The following CFAP221 variants were observed in gnomAD, a reference collection of about 807,000 sequenced individuals.
CFAP221 encodes the protein cilia- and flagella-associated protein 221.
Under a neutral mutation model 113.1 loss-of-function variants are expected in CFAP221, and 97 were observed. That is an observed-to-expected ratio of 0.86 (90% CI 0.73 to 1.02). CFAP221 has a LOEUF of 1.02. Among genes scored for constraint, CFAP221 ranks in the 50% least tolerant of loss-of-function variants. CFAP221 has a pLI of 0.00. For missense variants in CFAP221, 1,025 were observed against 1,013.4 expected, an observed-to-expected ratio of 1.01 and a Z score of -0.16; for synonymous variants, 331 against 354.4, an observed-to-expected ratio of 0.93 and a Z score of 0.74.
chr2:119,622,131 T>C (rs1387348926), intron 14 of CFAP221, among the ~76,000 whole-genome samples: 1 of 151,936 alleles, frequency 6.6e-6, no homozygotes, highest in Non-Finnish European at 1.5e-5. Context: ...CGGACTAATA[T>C]AGAAGAAAAG....
chr2:119,615,781 T>C, intron 14 of CFAP221, 72 bp downstream of exon 14: 2 of 1,122,278 alleles, frequency 1.8e-6, no homozygotes, highest in Non-Finnish European at 2.6e-6. Flanking sequence ...CAATGGTGGT[T>C]TGATAACACC....
intron 19 of CFAP221, among the ~76,000 whole-genome samples, chr2:119,631,281 A>G (rs1574188330): frequency 2.6e-5 from 4 of 152,230 alleles, no homozygotes; most frequent in Admixed American, 2.6e-4. Flanking sequence ...GAAAAGTTTC[A>G]AGTTAATGTC....
intron 16 of CFAP221, 90 bp from the exon 17 acceptor site, chr2:119,629,785 C>T: frequency 9.6e-7 from 1 of 1,039,472 alleles, no homozygotes; most frequent in Non-Finnish European, 1.4e-6. Context: ...TAGAACTGGT[C>T]ACTAATGTTT....
chr2:119,634,252 A>G (rs1302851022), intron 19 of CFAP221, among the ~76,000 whole-genome samples: 1 of 152,336 alleles, frequency 6.6e-6, no homozygotes, highest in Admixed American at 6.5e-5. Context: ...AGGCAGGAGG[A>G]TCAGTTGAGC....
At chr2:119,620,342 A>G (rs1685817918) in intron 14 of CFAP221, among the ~76,000 whole-genome samples, 1 of 152,214 alleles carries the variant, frequency 6.6e-6, no homozygotes, top group Non-Finnish European at 1.5e-5. Flanking sequence ...AGCCAGAGAG[A>G]AAGGTCATGT....
At chr2:119,549,813 A>C (rs1287004894) in intron 3 of CFAP221, among the ~76,000 whole-genome samples, 1 of 152,218 alleles carries the variant, frequency 6.6e-6, no homozygotes, top group Non-Finnish European at 1.5e-5. Context: ...AGGCTCCTGA[A>C]GAGACAGCTG....
chr2:119,623,278 A>T (rs1686066427), intron 14 of CFAP221, among the ~76,000 whole-genome samples: 2 of 152,246 alleles, frequency 1.3e-5, no homozygotes, highest in African/African-American at 4.8e-5. Flanking sequence ...TGCAACAAAG[A>T]GAATAAAATA....
At chr2:119,638,504 C>G in intron 20 of CFAP221, 87 bp downstream of exon 20, 1 of 1,517,784 alleles carries the variant, frequency 6.6e-7, no homozygotes, top group Non-Finnish European at 9.1e-7. Flanking sequence ...GCTGGAATTG[C>G]GACAAAGGTT....
At chr2:119,555,574 G>T (rs1186821976) in intron 3 of CFAP221, among the ~76,000 whole-genome samples, 1 of 152,074 alleles carries the variant, frequency 6.6e-6, no homozygotes, top group Non-Finnish European at 1.5e-5. Context: ...TCCCTGAAGG[G>T]ATATTATTTA....
intron 23 of CFAP221, among the ~76,000 whole-genome samples, chr2:119,654,702 A>G (rs914716056): frequency 9.2e-5 from 14 of 152,216 alleles, no homozygotes; most frequent in African/African-American, 3.1e-4. Context: ...GTCAGCTTCT[A>G]ATTTTTTCAA....
chr2:119,639,327 C>T (rs1243646374), intron 20 of CFAP221, among the ~76,000 whole-genome samples: 3 of 152,222 alleles, frequency 2.0e-5, no homozygotes, highest in African/African-American at 4.8e-5. Context: ...GCCACATTCC[C>T]TTCTGCCTCT....
chr2:119,639,669 A>C (rs1343756528), intron 20 of CFAP221, 112 bp from the exon 21 acceptor site: 3 of 787,704 alleles, frequency 3.8e-6, no homozygotes. Context: ...ATGAAATTAC[A>C]GATTTTGGTG....
At chr2:119,607,027 T>C (rs1449425909) in intron 11 of CFAP221, among the ~76,000 whole-genome samples, 1 of 152,218 alleles carries the variant, frequency 6.6e-6, no homozygotes, top group African/African-American at 2.4e-5. Flanking sequence ...TCTCCAACAT[T>C]ATTATAATCA....
In CFAP221 at chr2:119,626,392, G is replaced by C. The variant is rs575226546; in HGVS notation, c.1516+704G>C. On this transcript the variant is annotated intron_variant, in intron 15 of 23. Transcript: ENST00000413369. ...AAAGTGGATCTCTGTGCCAGGTTTG[G>C]CTGAAATACCTACCCACTTGATAAT... Among the ~76,000 whole-genome samples, 16 of 152,192 alleles carry C rather than the reference G, an allele frequency of 1.1e-4. 1 individual carries two copies. The highest frequency in any genetic ancestry group is 3.6e-4 in the African/African-American group (15 of 41,496).
In CFAP221 at chr2:119,546,152, C is replaced by T; in HGVS notation, c.21C>T (p.Pro7=). The T allele has an allele frequency of 6.5e-7, 1 of 1,534,400 alleles. No individual in the cohort carries two copies. Among genetic ancestry groups the T allele is most frequent in the Non-Finnish European group, 8.7e-7 (1 of 1,146,456 alleles). MAVVKT[P]SRGLKNAKEP... ...ATAAAATGGCAGTGGTGAAAACCCC[C>T]AGCAGAGGACTAAAGAATGCTAAAG... The change falls in exon 2 of 24, where the codon CCC becomes CCT. Residue 7 remains proline, a synonymous_variant. Transcript: ENST00000413369.
chr2:119,626,317 A>G (rs1686303817), intron 15 of CFAP221, among the ~76,000 whole-genome samples: 1 of 152,174 alleles, frequency 6.6e-6, no homozygotes, highest in Non-Finnish European at 1.5e-5. Context: ...GCCCCTGGGA[A>G]TGGGATGTGG....
At chr2:119,659,594 T>C (rs1359077222), downstream of CFAP221, among the ~76,000 whole-genome samples, 5 of 152,410 alleles carry the variant, frequency 3.3e-5, no homozygotes, top group East Asian at 7.7e-4. Flanking sequence ...TAGTTTCTGG[T>C]TTATCCTTCT....
Position 119,646,998 on chromosome 2 carries a change from C to T in CFAP221, c.2266C>T (p.Pro756Ser). 6.2e-7 allele frequency: 1 copy of T among 1,613,874 alleles called. No individual in the cohort carries two copies. Among genetic ancestry groups the T allele is most frequent in the South Asian group, 1.1e-5 (1 of 91,052 alleles). ...TTCATTTATGCTTCCGATAGACGTC[C>T]CTGCCATCCTTGATGCCTTACCAGA... ...FNSFMLPIDVPAILDALPEED... is the reference protein window; with the variant it reads ...FNSFMLPIDVSAILDALPEED... The change falls in exon 22 of 24, where the codon CCT becomes TCT. Residue 756 changes from proline (P) to serine (S), a missense_variant. Physicochemically the swap from Pro to Ser is moderately conservative, Grantham distance 74 (BLOSUM62 -1). Transcript: ENST00000413369.
At chr2:119,579,648 G>A (rs1044891469) in intron 6 of CFAP221, among the ~76,000 whole-genome samples, 2 of 152,152 alleles carry the variant, frequency 1.3e-5, no homozygotes, top group Admixed American at 1.3e-4. Flanking sequence ...TGCCCTTAAG[G>A]AACTGTTTGT....
Sources: gnomAD v4.1 joint callset for allele counts (sites outside exome capture counted in the v4.1 genomes callset) on GRCh38, gnomAD v4.1.1 for gene constraint, MANE v1.5 for transcripts, NCBI Gene and HGNC (gene_info 2026-07-23, HGNC 2026-07-21) for gene names.